The following AGMO variants were observed in gnomAD, a reference collection of about 807,000 sequenced individuals.
AGMO encodes alkylglycerol monooxygenase.
A neutral mutation model predicts 60.2 loss-of-function variants in AGMO; 75 were observed. The ratio of observed to expected loss-of-function variants is 1.25; its 90% CI spans 1.03 to 1.51. AGMO has a LOEUF of 1.51. AGMO is among the 40% of genes most tolerant of loss of function. The pLI is 0.00. For synonymous variants in AGMO, 261 were observed against 177.1 expected, an observed-to-expected ratio of 1.47 and a Z score of -3.76; for missense variants, 763 against 525.5, an observed-to-expected ratio of 1.45 and a Z score of -4.42.
chr7:15,366,556 A>G (rs1445962290), intron 10 of AGMO, among the ~76,000 whole-genome samples: 4 of 152,098 alleles, frequency 2.6e-5, no homozygotes, highest in African/African-American at 7.2e-5. Flanking sequence ...ATTTTAATGT[A>G]TAAATACTGT....
At chr7:15,183,121 C>G in the AGMO span, among the ~76,000 whole-genome samples, 1 of 84,702 alleles carries the variant, frequency 1.2e-5, no homozygotes, top group African/African-American at 4.8e-5. Flanking sequence ...TTCTTTTGTT[C>G]AAGTATACTT....
chr7:15,388,405 G>C (rs747243867), intron 8 of AGMO, among the ~76,000 whole-genome samples: 1 of 152,106 alleles, frequency 6.6e-6, no homozygotes, highest in Non-Finnish European at 1.5e-5. Context: ...TTAGGTGGAA[G>C]CTTCGCCTGG....
intron 3 of AGMO, among the ~76,000 whole-genome samples, chr7:15,442,943 C>A (rs530094621): frequency 2.4e-4 from 36 of 152,288 alleles, no homozygotes; most frequent in African/African-American, 8.7e-4. Context: ...AGGCCATCAA[C>A]AAGCAGAATG....
rs547862053 is a variant in AGMO at position 15,521,048 on chromosome 7, T to C, written c.409+23724A>G. ...GATCCCACAGAAATACAAACTACCA[T>C]CAAAGAATACTACAAACACCTCTAT... On this transcript the variant is annotated intron_variant, in intron 3 of 12. Transcript: ENST00000342526. Among the ~76,000 whole-genome samples, 6 of 152,158 alleles carry C rather than the reference T, an allele frequency of 3.9e-5. No individual in the cohort carries two copies. In the East Asian group the frequency reaches 1.2e-3, roughly 29 times the overall value.
the AGMO span, among the ~76,000 whole-genome samples, chr7:15,130,049 A>G: frequency 6.6e-6 from 1 of 152,146 alleles, no homozygotes. Context: ...GCAAAGTGCT[A>G]CATGCGATTC....
the AGMO span, among the ~76,000 whole-genome samples, chr7:15,190,095 TTATA>T: frequency 2.2e-3 from 4 of 1,830 alleles, no homozygotes; most frequent in South Asian, 0.038. Flanking sequence ...ATATATATAT[TTATA>T]TATATATATA....
the AGMO span, among the ~76,000 whole-genome samples, chr7:15,173,999 C>T: frequency 8.6e-5 from 13 of 151,692 alleles, no homozygotes; most frequent in South Asian, 2.7e-3. Flanking sequence ...GAATATGACC[C>T]CATTTTATGT....
intron 12 of AGMO, among the ~76,000 whole-genome samples, chr7:15,221,194 G>A (rs1245461617): frequency 6.6e-6 from 1 of 152,074 alleles, no homozygotes; most frequent in Non-Finnish European, 1.5e-5. Context: ...TGGATATTGA[G>A]GACATGTGTG....
chr7:15,380,006 G>C (rs946349084), intron 10 of AGMO, among the ~76,000 whole-genome samples: 1 of 151,926 alleles, frequency 6.6e-6, no homozygotes, highest in Non-Finnish European at 1.5e-5. Flanking sequence ...GAAGGAAATT[G>C]CCTCAAAATA....
At chr7:15,422,795 C>T (rs1239196782) in intron 4 of AGMO, among the ~76,000 whole-genome samples, 1 of 152,096 alleles carries the variant, frequency 6.6e-6, no homozygotes, top group African/African-American at 2.4e-5. Flanking sequence ...GCCTGCAGCA[C>T]TCAGCAATCT....
At chr7:15,325,370 AATAC>A (rs1272251810) in intron 12 of AGMO, among the ~76,000 whole-genome samples, 1 of 152,160 alleles carries the variant, frequency 6.6e-6, no homozygotes, top group East Asian at 1.9e-4. Flanking sequence ...TGTAAAATTT[AATAC>A]ATAATATTAT....
At chr7:15,286,604 A>G (rs1784107808) in intron 12 of AGMO, among the ~76,000 whole-genome samples, 1 of 152,160 alleles carries the variant, frequency 6.6e-6, no homozygotes, top group Non-Finnish European at 1.5e-5. Flanking sequence ...GGTGAAAGGG[A>G]ATGCTCATAC....
At chr7:15,231,207 G>C (rs1181641582) in intron 12 of AGMO, among the ~76,000 whole-genome samples, 1 of 152,086 alleles carries the variant, frequency 6.6e-6, no homozygotes, top group East Asian at 1.9e-4. Context: ...GGTTCTAGTA[G>C]GGCAAATGGA....
chr7:15,440,733 T>A (rs9942665), intron 3 of AGMO, among the ~76,000 whole-genome samples: 59,985 of 152,002 alleles, frequency 0.39, 12,548 homozygotes, highest in Non-Finnish European at 0.48. Context: ...CCAACCTCTG[T>A]AACACTTGCA....
At chr7:15,379,912 T>C (rs1190213792) in intron 10 of AGMO, among the ~76,000 whole-genome samples, 1 of 152,044 alleles carries the variant, frequency 6.6e-6, no homozygotes, top group Non-Finnish European at 1.5e-5. Context: ...ACAGAAAGCA[T>C]ATGATTATCC....
chr7:15,191,962 CTG>C, the AGMO span, among the ~76,000 whole-genome samples: 7 of 73,112 alleles, frequency 9.6e-5, no homozygotes, highest in East Asian at 4.1e-4. Flanking sequence ...CACTCTCCCT[CTG>C]TCTCTCTCTC....
At chr7:15,283,091 C>T (rs543326293) in intron 12 of AGMO, among the ~76,000 whole-genome samples, 2 of 152,164 alleles carry the variant, frequency 1.3e-5, no homozygotes, top group East Asian at 3.9e-4. Flanking sequence ...AAAAGTAGTT[C>T]TAAATGTTGA....
At chr7:15,136,681 A>AT in the AGMO span, among the ~76,000 whole-genome samples, 146 of 150,728 alleles carry the variant, frequency 9.7e-4, no homozygotes, top group East Asian at 2.2e-3. Flanking sequence ...TTTATGCCAC[A>AT]TTTTTTTTTG....
chr7:15,393,478 GA>G (rs1242139311), intron 6 of AGMO, among the ~76,000 whole-genome samples: 1 of 152,118 alleles, frequency 6.6e-6, no homozygotes, highest in East Asian at 1.9e-4. Flanking sequence ...TTCTACTGCT[GA>G]AAAACATTTG....
Sources: allele counts gnomAD v4.1 joint callset (sites outside exome capture counted in the v4.1 genomes callset), GRCh38; gene constraint gnomAD v4.1.1; transcripts MANE v1.5; gene names NCBI Gene and HGNC (gene_info 2026-07-23, HGNC 2026-07-21).